The following PDGFD variants were observed in gnomAD, a reference collection of about 807,000 sequenced individuals.
PDGFD encodes the protein platelet-derived growth factor D.
In PDGFD, 30 loss-of-function variants were observed where a neutral mutation model predicts 44.7. That is an observed-to-expected ratio of 0.67 (90% confidence interval 0.50 to 0.91). The LOEUF is 0.91. Among genes scored for constraint, PDGFD ranks in the 40% least tolerant of loss-of-function variants. PDGFD has a pLI of 0.00. For synonymous variants in PDGFD, 173 were observed against 168.4 expected (o/e 1.03, Z -0.21); for missense variants, 445 against 457.8 (o/e 0.97, Z 0.25).
chr11:103,979,065 A>G (rs1177472066), intron 3 of PDGFD, among the ~76,000 whole-genome samples: 1 of 152,094 alleles, frequency 6.6e-6, no homozygotes, highest in Non-Finnish European at 1.5e-5. Flanking sequence ...TGAGTCAGGC[A>G]TCAGTTCTGG....
At chr11:103,981,455 A>G (rs1225919199) in intron 3 of PDGFD, among the ~76,000 whole-genome samples, 1 of 151,818 alleles carries the variant, frequency 6.6e-6, no homozygotes, top group Non-Finnish European at 1.5e-5. Context: ...TAATGGTAAT[A>G]GTAATAATAA....
At chr11:103,917,319 A>T (rs1185962217) in intron 6 of PDGFD, among the ~76,000 whole-genome samples, 1 of 152,130 alleles carries the variant, frequency 6.6e-6, no homozygotes, top group African/African-American at 2.4e-5. Flanking sequence ...TAATTTCTTA[A>T]ATTAGTAGTT....
intron 1 of PDGFD, among the ~76,000 whole-genome samples, chr11:104,107,471 G>A (rs1414118499): frequency 6.6e-6 from 1 of 152,144 alleles, no homozygotes; most frequent in Non-Finnish European, 1.5e-5. Flanking sequence ...TTGAGTAGAA[G>A]ACCCCCTAAA....
chr11:104,148,397 C>T (rs943803110), intron 1 of PDGFD, among the ~76,000 whole-genome samples: 1 of 151,974 alleles, frequency 6.6e-6, no homozygotes, highest in African/African-American at 2.4e-5. Context: ...TCCAAATTGG[C>T]AACAATTAGC....
chr11:103,985,166 A>AATATATTAATTTATTTAAT (rs1859343473), intron 3 of PDGFD, among the ~76,000 whole-genome samples: 1 of 131,914 alleles, frequency 7.6e-6, no homozygotes, highest in East Asian at 2.0e-4. Flanking sequence ...TTTAATATAT[A>AATATATTAATTTATTTAAT]ATATATTAAT....
At chr11:104,030,556 A>G (rs1331159814) in intron 1 of PDGFD, among the ~76,000 whole-genome samples, 1 of 152,206 alleles carries the variant, frequency 6.6e-6, no homozygotes, top group African/African-American at 2.4e-5. Flanking sequence ...ATTTTTTGTC[A>G]GTGTGAAGAA....
chr11:104,108,367 A>G (rs1305934902), intron 1 of PDGFD, among the ~76,000 whole-genome samples: 1 of 152,064 alleles, frequency 6.6e-6, no homozygotes, highest in Non-Finnish European at 1.5e-5. Flanking sequence ...AGAAAAAAAA[A>G]ACTCCATCAA....
intron 1 of PDGFD, among the ~76,000 whole-genome samples, chr11:104,128,926 G>C (rs1485861115): frequency 6.6e-6 from 1 of 152,072 alleles, no homozygotes; most frequent in Non-Finnish European, 1.5e-5. Context: ...ATTGAATTCA[G>C]AAATTAAATT....
intron 3 of PDGFD, among the ~76,000 whole-genome samples, chr11:103,986,460 C>T (rs867952397): frequency 1.3e-5 from 2 of 152,220 alleles, no homozygotes; most frequent in Admixed American, 6.5e-5. Flanking sequence ...GGGGGGAACT[C>T]TTCTTTCCAT....
chr11:103,954,816 A>G (rs1858812215), intron 3 of PDGFD, among the ~76,000 whole-genome samples: 1 of 152,212 alleles, frequency 6.6e-6, no homozygotes, highest in Admixed American at 6.5e-5. Context: ...TGAATTTCAA[A>G]AGAAACACCT....
intron 1 of PDGFD, among the ~76,000 whole-genome samples, chr11:104,156,875 G>A (rs1287550102): frequency 6.6e-5 from 10 of 152,150 alleles, no homozygotes; most frequent in Non-Finnish European, 1.3e-4. Flanking sequence ...ATTTACATTT[G>A]GTTCTGAAAT....
intron 1 of PDGFD, among the ~76,000 whole-genome samples, chr11:104,007,462 C>T (rs181437280): frequency 6.6e-6 from 1 of 152,230 alleles, no homozygotes; most frequent in Admixed American, 6.5e-5. Flanking sequence ...TTATACATGA[C>T]AACATAAGAT....
At chr11:103,911,199 G>A (rs145577027) in intron 6 of PDGFD, among the ~76,000 whole-genome samples, 2,642 of 152,324 alleles carry the variant, frequency 0.017, 77 homozygotes, top group African/African-American at 0.06. Flanking sequence ...TCTGAAGAGA[G>A]CAGCGGATCT....
chr11:104,001,921 G>A (rs1440718210), intron 1 of PDGFD, among the ~76,000 whole-genome samples: 1 of 152,182 alleles, frequency 6.6e-6, no homozygotes, highest in Admixed American at 6.5e-5. Flanking sequence ...AAGTGATTTT[G>A]CATATGGGAA....
intron 1 of PDGFD, among the ~76,000 whole-genome samples, chr11:104,027,191 G>C (rs1055793766): frequency 6.6e-5 from 10 of 152,170 alleles, no homozygotes; most frequent in African/African-American, 2.4e-4. Flanking sequence ...TTACTCCCTG[G>C]TGTTGAAACA....
chr11:103,992,262 G>C (rs17101816), intron 3 of PDGFD, among the ~76,000 whole-genome samples: 3 of 151,948 alleles, frequency 2.0e-5, no homozygotes, highest in East Asian at 3.9e-4. Context: ...ACAAACACAC[G>C]GTCTAGCCAT....
chr11:104,114,689 GAACT>G (rs1175202900), intron 1 of PDGFD, among the ~76,000 whole-genome samples: 1 of 151,926 alleles, frequency 6.6e-6, no homozygotes, highest in Non-Finnish European at 1.5e-5. Context: ...AAGTTGGAAA[GAACT>G]AATATATTGA....
intron 1 of PDGFD, among the ~76,000 whole-genome samples, chr11:104,000,558 C>T (rs996803372): frequency 2.4e-5 from 3 of 127,602 alleles, no homozygotes; most frequent in South Asian, 2.8e-4. Context: ...TGATATTCTC[C>T]GATGGGTAAC....
At chr11:103,967,074 T>TA (rs1859031781) in intron 3 of PDGFD, among the ~76,000 whole-genome samples, 1 of 152,204 alleles carries the variant, frequency 6.6e-6, no homozygotes, top group South Asian at 2.1e-4. Context: ...ATATAAAAGC[T>TA]ATGAAAGGGA....
Sources: gnomAD v4.1 joint callset for allele counts (sites outside exome capture counted in the v4.1 genomes callset) on GRCh38, gnomAD v4.1.1 for gene constraint, MANE v1.5 for transcripts, NCBI Gene and HGNC (gene_info 2026-07-23, HGNC 2026-07-21) for gene names.